IFNLR1: variants seen among roughly 807,000 people sequenced by gnomAD.
IFNLR1 encodes interferon lambda receptor 1.
A neutral mutation model predicts 52.5 loss-of-function variants in IFNLR1; 28 were observed. The ratio of observed to expected loss-of-function variants is 0.53; its 90% CI spans 0.40 to 0.73. The LOEUF is 0.73. Ranked by LOEUF, IFNLR1 falls within the 30% of genes least tolerant of loss-of-function variation. IFNLR1 has a pLI of 0.00. For missense variants in IFNLR1, 623 were observed against 659.1 expected (o/e 0.95, Z 0.60); for synonymous variants, 276 against 274.9 (o/e 1.00, Z -0.04).
intron 1 of IFNLR1, among the ~76,000 whole-genome samples, chr1:24,185,390 G>A (rs1644727647): frequency 6.6e-6 from 1 of 152,194 alleles, no homozygotes; most frequent in African/African-American, 2.4e-5. Context: ...TTTCAAAGAA[G>A]AACACAACTT....
At chr1:24,175,228 C>T (rs916472963) in intron 2 of IFNLR1, among the ~76,000 whole-genome samples, 3 of 152,224 alleles carry the variant, frequency 2.0e-5, no homozygotes, top group Admixed American at 6.5e-5. Context: ...GCAACACTGT[C>T]CCCTCCTTAG....
At chr1:24,182,653 G>A (rs1644702395) in intron 1 of IFNLR1, among the ~76,000 whole-genome samples, 1 of 152,128 alleles carries the variant, frequency 6.6e-6, no homozygotes, top group African/African-American at 2.4e-5. Flanking sequence ...CGGGCGTGGT[G>A]GCTCATGCCT....
At chr1:24,164,354 G>T (rs1056827933) in intron 3 of IFNLR1, among the ~76,000 whole-genome samples, 3 of 152,236 alleles carry the variant, frequency 2.0e-5, no homozygotes, top group Non-Finnish European at 4.4e-5. Flanking sequence ...CATCTCAACA[G>T]TAGAAACTGG....
chr1:24,162,674 C>T (rs1644456317), intron 3 of IFNLR1, among the ~76,000 whole-genome samples: 1 of 151,998 alleles, frequency 6.6e-6, no homozygotes, highest in South Asian at 2.1e-4. Context: ...GAGAGTAAGC[C>T]AGCAAGAGAG....
chr1:24,179,107 A>C (rs1272299915), intron 2 of IFNLR1, among the ~76,000 whole-genome samples: 1 of 150,832 alleles, frequency 6.6e-6, no homozygotes, highest in African/African-American at 2.4e-5. Flanking sequence ...ACACTTCACT[A>C]ATTTTTTGTA....
Position 24,183,607 on chromosome 1 carries a change from C to T in IFNLR1, c.59-2753G>A, listed in dbSNP as rs978829340. Reference sequence around the variant, plus strand: ...CGAAACAGACAAATATACAAAACACCTTGCCTTCAGTCCATTCTCCACATA... The same window carrying T: ...CGAAACAGACAAATATACAAAACACTTTGCCTTCAGTCCATTCTCCACATA... On this transcript the variant is annotated intron_variant, in intron 1 of 6. Transcript: ENST00000327535. 2.0e-5 allele frequency among the ~76,000 whole-genome samples: 3 copies of T among 152,188 alleles called. 1 individual carries two copies. The highest frequency in any genetic ancestry group is 7.2e-5 in the African/African-American group (3 of 41,448).
chr1:24,158,630 CA>C, intron 6 of IFNLR1, among the ~76,000 whole-genome samples: 1 of 152,294 alleles, frequency 6.6e-6, no homozygotes, highest in South Asian at 2.1e-4. Flanking sequence ...AGAGACCCAG[CA>C]GACCAGGGAA....
intron 2 of IFNLR1, among the ~76,000 whole-genome samples, chr1:24,170,372 AT>A (rs1192064898): frequency 3.9e-5 from 6 of 152,098 alleles, no homozygotes; most frequent in Admixed American, 3.3e-4. Flanking sequence ...TTTAATTTTT[AT>A]TTTTTGAGAT....
intron 1 of IFNLR1, 50 bp downstream of exon 1, chr1:24,187,141 C>A: frequency 1.6e-6 from 2 of 1,241,990 alleles, no homozygotes; most frequent in Non-Finnish European, 2.1e-6. Flanking sequence ...AGGCGCGGCC[C>A]GGCCCGGGGA....
At chr1:24,165,160 T>C (rs1644505534) in intron 3 of IFNLR1, among the ~76,000 whole-genome samples, 1 of 152,192 alleles carries the variant, frequency 6.6e-6, no homozygotes, top group Non-Finnish European at 1.5e-5. Flanking sequence ...TCATTTTCTC[T>C]CTCTCCTCTT....
chr1:24,159,726 G>GTTTTTTTTGTT, intron 4 of IFNLR1, 93 bp from the exon 5 acceptor site: 3 of 761,906 alleles, frequency 3.9e-6, no homozygotes, highest in Non-Finnish European at 5.9e-6. Context: ...ATGGTAGGGT[G>GTTTTTTTTGTT]TTTTTTTTTT....
chr1:24,179,168 C>T (rs1374953581), intron 2 of IFNLR1, among the ~76,000 whole-genome samples: 4 of 151,756 alleles, frequency 2.6e-5, no homozygotes, highest in South Asian at 2.1e-4. Flanking sequence ...AGGCTGGTCT[C>T]GAACTCTTGG....
intron 2 of IFNLR1, among the ~76,000 whole-genome samples, chr1:24,175,934 C>CAA (rs10713683): frequency 6.5e-5 from 6 of 91,956 alleles, no homozygotes; most frequent in South Asian, 3.5e-4. Context: ...AACTCTGTTT[C>CAA]AAAAAAAAAA....
chr1:24,162,700 T>A (rs557004137), intron 3 of IFNLR1, among the ~76,000 whole-genome samples: 84 of 28,364 alleles, frequency 3.0e-3, no homozygotes, highest in Non-Finnish European at 4.2e-3. Context: ...AACTCACTTT[T>A]CTTTTCTTTT....
At chr1:24,159,730 T>TTTTTTTTTTGTTTTTTG (rs879880617) in intron 4 of IFNLR1, 97 bp from the exon 5 acceptor site, 9 of 1,031,966 alleles carry the variant, frequency 8.7e-6, no homozygotes, top group Non-Finnish European at 1.2e-5. Flanking sequence ...TAGGGTGTTT[T>TTTTTTTTTTGTTTTTTG]TTTTTTGTTT....
At position 24,156,761 on chromosome 1, in the gene IFNLR1, T is replaced by A. The variant is rs1369517679; in HGVS notation, c.*369A>T. On this transcript the variant is annotated 3_prime_UTR_variant, in exon 7 of 7. Transcript: ENST00000327535. The stretch of plus-strand genomic sequence containing the variant: ...GTGGTCTCAAGTTCCAGAGGGCCCC[T>A]TGGTGGTGTCCGCCCTTGATGTCCG... 9.4e-6 allele frequency: 2 copies of A among 213,888 alleles called. No individual in the cohort carries two copies. Among genetic ancestry groups the A allele is most frequent in the East Asian group, 2.4e-4 (2 of 8,194 alleles). The allele number at this position is 213,888 out of a possible 1,614,324, so 13.2% of individuals were successfully genotyped here.
chr1:24,172,251 T>C (rs1402929940), intron 2 of IFNLR1, among the ~76,000 whole-genome samples: 1 of 152,166 alleles, frequency 6.6e-6, no homozygotes, highest in Non-Finnish European at 1.5e-5. Flanking sequence ...TAGCTTTAAA[T>C]ACTTATAATA....
chr1:24,181,102 T>C (rs927672277), intron 1 of IFNLR1, among the ~76,000 whole-genome samples: 4 of 152,118 alleles, frequency 2.6e-5, no homozygotes, highest in Non-Finnish European at 5.9e-5. Context: ...CCTAATGGCC[T>C]CCAGGAGGGA....
chr1:24,172,035 C>T (rs545167254), intron 2 of IFNLR1, among the ~76,000 whole-genome samples: 1 of 151,414 alleles, frequency 6.6e-6, no homozygotes, highest in Non-Finnish European at 1.5e-5. Flanking sequence ...AAACTTCTGG[C>T]CTCAAGCAAT....
Sources: allele counts gnomAD v4.1 joint callset (sites outside exome capture counted in the v4.1 genomes callset), GRCh38; gene constraint gnomAD v4.1.1; transcripts MANE v1.5; gene names NCBI Gene and HGNC (gene_info 2026-07-23, HGNC 2026-07-21).